The following GBP1 variants were observed in gnomAD, a reference collection of about 807,000 sequenced individuals.
GBP1 encodes the protein guanylate binding protein 1.
In GBP1, 64 loss-of-function variants were observed where a neutral mutation model predicts 69.5. The observed-to-expected ratio is 0.92, with a 90% CI of 0.75 to 1.13. The LOEUF is 1.13. Ranked by LOEUF, GBP1 falls within the 50% of genes most tolerant of loss-of-function variation. GBP1 has a pLI of 0.00. For missense variants in GBP1, 630 were observed against 704.1 expected, an observed-to-expected ratio of 0.89 and a Z score of 1.19; for synonymous variants, 250 against 261.2, an observed-to-expected ratio of 0.96 and a Z score of 0.41.
intron 2 of GBP1, among the ~76,000 whole-genome samples, chr1:89,062,524 T>G (rs1487768380): frequency 2.0e-5 from 3 of 152,210 alleles, no homozygotes; most frequent in Admixed American, 6.5e-5. Flanking sequence ...GTTAATACAG[T>G]TTCTGTTAGG....
chr1:89,055,287 C>T, intron 8 of GBP1, 72 bp from the exon 9 acceptor site: 4 of 1,597,580 alleles, frequency 2.5e-6, no homozygotes, highest in Non-Finnish European at 3.4e-6. Flanking sequence ...TGTCTTCCTG[C>T]CATCCTTTCT....
At chr1:89,053,662 G>T (rs183831092) in intron 10 of GBP1, among the ~76,000 whole-genome samples, 194 bp from the exon 11 acceptor site, 1 of 152,112 alleles carries the variant, frequency 6.6e-6, no homozygotes, top group Non-Finnish European at 1.5e-5. Flanking sequence ...ACATAACACC[G>T]AAATAAGCAA....
Position 89,059,321 on chromosome 1 carries a change from G to A in GBP1, c.424C>T (p.Leu142=), listed in dbSNP as rs1168897383. 1 of 1,613,976 alleles carries A rather than the reference G, an allele frequency of 6.2e-7. No individual in the cohort carries two copies. Among genetic ancestry groups the A allele is most frequent in the Non-Finnish European group, 8.5e-7 (1 of 1,180,010 alleles). ...GTINQQAMDQ[L]YYVTELTHRI... Reference sequence around the variant, plus strand: ...TTCTGGGTCACAAAAGGATACTACAGTTGGTCCATAGCCTGCTGGTTGATG... The same window carrying A: ...TTCTGGGTCACAAAAGGATACTACAATTGGTCCATAGCCTGCTGGTTGATG... Residue 142 remains leucine (L), a synonymous_variant, in exon 4 of 11, where the codon CTG becomes TTG. Coordinates refer to ENST00000370473, the MANE Select transcript of GBP1 (RefSeq NM_002053.3).
At position 89,053,111 on chromosome 1, in the gene GBP1, A is replaced by C. The variant is rs1303008837; in HGVS notation, c.*244T>G. On this transcript the variant is annotated 3_prime_UTR_variant, in exon 11 of 11. Coordinates refer to ENST00000370473, the MANE Select transcript of GBP1 (RefSeq NM_002053.3). The stretch of plus-strand genomic sequence containing the variant: ...CATCTGGAAGAATAAACTTCTCCTG[A>C]GTGGTACCAGCTTATGAGATTTCCT... 1.7e-5 allele frequency: 6 copies of C among 360,444 alleles called. No homozygotes were observed. The highest frequency in any genetic ancestry group is 4.3e-5 in the African/African-American group (2 of 46,890). 22.3% of individuals were successfully genotyped at this position (360,444 alleles called of 1,614,324 possible). A position where few individuals can be genotyped will look rare whatever the true frequency, so the allele number is the denominator to read the frequency against.
chr1:89,062,801 G>A, intron 2 of GBP1: 1 of 488,718 alleles, frequency 2.0e-6, no homozygotes, highest in African/African-American at 1.9e-5. Flanking sequence ...TTTTATTACT[G>A]TCTTACTCCT....
At position 89,057,004 on chromosome 1, in the gene GBP1, A is replaced by G. The variant is rs1256046109; in HGVS notation, c.1005T>C (p.Tyr335=). The part of the protein sequence containing the change: ...SAAVQKAIAH[Y]EQQMGQKVQL... ...GCACCTTCTGGCCCATCTGCTGTTC[A>G]TAGTGGGCAATAGCCTTTTGCACTG... The change falls in exon 7 of 11, where the codon TAT becomes TAC. Residue 335 remains tyrosine, a synonymous_variant. Coordinates refer to ENST00000370473, the MANE Select transcript of GBP1 (RefSeq NM_002053.3). The G allele has an allele frequency of 6.2e-7, 1 of 1,614,260 alleles. No homozygotes were observed. Among genetic ancestry groups the G allele is most frequent in the South Asian group, 1.1e-5 (1 of 91,088 alleles).
chr1:89,056,863 C>A lies in GBP1; in HGVS notation c.1146G>T (p.Lys382Asn), dbSNP rs764331769. The change falls in exon 7 of 11, where the codon AAG (lysine) becomes AAT (asparagine). Residue 382 changes from lysine to asparagine, a missense_variant. By Grantham distance (94) the Lys-to-Asn change is moderately conservative. Coordinates refer to ENST00000370473, the MANE Select transcript of GBP1 (RefSeq NM_002053.3). The part of the protein sequence containing the change: ...SFKDVDHLFQ[K>N]ELAAQLEKKR... ...TTGAGACAAAAATTACCGCTAACTCCTTTTGAAATAGATGGTCCACATCTT... is the reference window on the plus strand; with the variant it reads ...TTGAGACAAAAATTACCGCTAACTCATTTTGAAATAGATGGTCCACATCTT... The A allele has an allele frequency of 1.9e-6, 3 of 1,613,822 alleles. No individual in the cohort carries two copies. The East Asian group carries it at 6.7e-5, about 36-fold the overall frequency.
chr1:89,064,240 T>TGTGTGTGTGA (rs1243424526), intron 1 of GBP1, among the ~76,000 whole-genome samples: 1 of 100,010 alleles, frequency 1.0e-5, no homozygotes, highest in African/African-American at 4.1e-5. Flanking sequence ...TGTGTGTGTG[T>TGTGTGTGTGA]GAGAGAGAGA....
chr1:89,058,648 G>T (rs1354865545), intron 5 of GBP1, 193 bp downstream of exon 5: 12 of 654,306 alleles, frequency 1.8e-5, no homozygotes, highest in Non-Finnish European at 2.3e-5. Flanking sequence ...CAAGAAACTT[G>T]TTCTAGAACA....
In GBP1 at chr1:89,063,099, G is replaced by A. The variant is rs567509135; in HGVS notation, c.136C>T (p.Leu46Phe). The A allele has an allele frequency of 7.4e-6, 12 of 1,614,050 alleles. No individual in the cohort carries two copies. The Admixed American group carries it at 1.2e-4, about 16-fold the overall frequency. ...AGGTAGGATTTGCCTGTGCGGTAGAGGCCCACAATTGCCACCACCACCATA... is the reference window on the plus strand; with the variant it reads ...AGGTAGGATTTGCCTGTGCGGTAGAAGCCCACAATTGCCACCACCACCATA... Reference protein sequence around the residue: ...QPMVVVAIVGLYRTGKSYLMN... With the variant: ...QPMVVVAIVGFYRTGKSYLMN... The change falls in exon 2 of 11, where the codon CTC becomes TTC. Residue 46 changes from leucine (L) to phenylalanine (F), a missense_variant. Coordinates refer to ENST00000370473, the MANE Select transcript of GBP1 (RefSeq NM_002053.3).
At chr1:89,054,312 G>A (rs1189825426) in intron 10 of GBP1, among the ~76,000 whole-genome samples, 1 of 152,156 alleles carries the variant, frequency 6.6e-6, no homozygotes, top group Non-Finnish European at 1.5e-5. Flanking sequence ...GTGTTAGCCA[G>A]GATGGCCTCA....
chr1:89,056,695 A>G (rs1680054692), intron 7 of GBP1, among the ~76,000 whole-genome samples, 159 bp downstream of exon 7: 1 of 152,238 alleles, frequency 6.6e-6, no homozygotes. Context: ...CTGTAATAAT[A>G]CAGTTGGTCC....
intron 10 of GBP1, among the ~76,000 whole-genome samples, chr1:89,054,287 T>A (rs539294885): frequency 1.5e-4 from 23 of 152,204 alleles, no homozygotes; most frequent in Middle Eastern, 3.4e-3. Context: ...TTTTTAGTAG[T>A]GACGGGATTT....
intron 1 of GBP1, among the ~76,000 whole-genome samples, chr1:89,064,296 A>T (rs1680281804): frequency 1.3e-5 from 2 of 149,998 alleles, no homozygotes; most frequent in Admixed American, 6.7e-5. Context: ...ACCAGAGGTG[A>T]TGAATGAGGC....
chr1:89,055,216 C>A lies in GBP1; in HGVS notation c.1369-1G>T. 1 of 1,613,196 alleles carries A rather than the reference C, an allele frequency of 6.2e-7. No homozygotes were observed. The highest frequency in any genetic ancestry group is 1.7e-5 in the Admixed American group (1 of 59,684). ...AGTATGTCTGCAGAATCTCTTCAGC[C>A]TTAGGACCCAGAGAACACAGAGTGA... On this transcript the variant is annotated splice_acceptor_variant, in intron 8 of 10. Coordinates refer to ENST00000370473, the MANE Select transcript of GBP1 (RefSeq NM_002053.3). LOFTEE classifies it high-confidence loss of function.
At chr1:89,065,137 T>C (rs1348151135) in intron 1 of GBP1, 23 bp downstream of exon 1, 1 of 152,214 alleles carries the variant, frequency 6.6e-6, no homozygotes, top group Non-Finnish European at 1.5e-5. Flanking sequence ...AGCTGCTTGA[T>C]GAGAAGTAGT....
rs201368315 is a variant in GBP1 at position 89,063,092 on chromosome 1, C to T, written c.143G>A (p.Arg48His). 6.1e-5 allele frequency: 99 copies of T among 1,613,878 alleles called. No individual in the cohort carries two copies. In the Admixed American group the frequency reaches 1.0e-3, roughly 17 times the overall value. The part of the protein sequence containing the change: ...MVVVAIVGLY[R>H]TGKSYLMNKL... ...GTTCATCAGGTAGGATTTGCCTGTG[C>T]GGTAGAGGCCCACAATTGCCACCAC... The change falls in exon 2 of 11, where the codon CGC becomes CAC. Residue 48 changes from arginine to histidine, a missense_variant. Physicochemically the swap from Arg to His is conservative, Grantham distance 29. This residue lies in a region of GBP1 where 131 missense variants were observed against 138.5 expected (regional missense o/e 0.95). Transcript: ENST00000370473.
At chr1:89,058,616 A>G (rs1261384079) in intron 5 of GBP1, 1 of 602,932 alleles carries the variant, frequency 1.7e-6, no homozygotes, top group Non-Finnish European at 2.9e-6. Context: ...ACCTAATCAC[A>G]GCATACACAA....
rs182911551 is a variant in GBP1, at chr1:89,056,694, T to C, written c.1155+160A>G. On this transcript the variant is annotated intron_variant, in intron 7 of 10. Coordinates refer to ENST00000370473, the MANE Select transcript of GBP1 (RefSeq NM_002053.3). The stretch of plus-strand genomic sequence containing the variant: ...TTTTAGAACTTTGGGTCTGTAATAA[T>C]ACAGTTGGTCCTTCTGACTGATGTG... 2.6e-5 allele frequency among the ~76,000 whole-genome samples: 4 copies of C among 152,352 alleles called. No homozygotes were observed. The East Asian group carries it at 7.7e-4, about 29-fold the overall frequency.
Sources: gnomAD v4.1 joint callset for allele counts (sites outside exome capture counted in the v4.1 genomes callset) on GRCh38, gnomAD v4.1.1 for gene constraint, gnomAD v4.1.1 regional missense constraint, MANE v1.5 for transcripts, NCBI Gene and HGNC (gene_info 2026-07-23, HGNC 2026-07-21) for gene names.